The following RPS6KC1 variants were observed in gnomAD, a reference collection of about 807,000 sequenced individuals.
RPS6KC1 encodes the protein ribosomal protein S6 kinase C1.
A neutral mutation model predicts 103.8 loss-of-function variants in RPS6KC1; 54 were observed. The ratio of observed to expected loss-of-function variants is 0.52; its 90% CI spans 0.42 to 0.65. The LOEUF is 0.65. Ranked by LOEUF, RPS6KC1 falls within the 30% of genes least tolerant of loss-of-function variation. The pLI is 0.00. For synonymous variants in RPS6KC1, 439 were observed against 438.7 expected (o/e 1.00, Z -0.01); for missense variants, 1,151 against 1,253.8 (o/e 0.92, Z 1.24).
At chr1:213,386,141 G>T in the RPS6KC1 span, among the ~76,000 whole-genome samples, 3 of 152,138 alleles carry the variant, frequency 2.0e-5, no homozygotes, top group Non-Finnish European at 4.4e-5. Flanking sequence ...TCCCTGGAGA[G>T]CTGGTTGTTA....
At chr1:213,231,418 T>C (rs988954981) in intron 9 of RPS6KC1, among the ~76,000 whole-genome samples, 7 of 152,334 alleles carry the variant, frequency 4.6e-5, no homozygotes, top group South Asian at 2.1e-4. Flanking sequence ...GTATTTGGAA[T>C]GGACTGTGAT....
At chr1:213,789,674 C>T in the RPS6KC1 span, among the ~76,000 whole-genome samples, 2 of 152,120 alleles carry the variant, frequency 1.3e-5, no homozygotes, top group Admixed American at 6.5e-5. Flanking sequence ...GGTACTCTAT[C>T]GAGTCTACTT....
chr1:213,684,179 A>G, the RPS6KC1 span, among the ~76,000 whole-genome samples: 1 of 152,174 alleles, frequency 6.6e-6, no homozygotes, highest in Non-Finnish European at 1.5e-5. Flanking sequence ...TCTGATATTT[A>G]TAAATCTTTT....
the RPS6KC1 span, among the ~76,000 whole-genome samples, chr1:213,559,180 G>A: frequency 9.2e-5 from 14 of 152,294 alleles, no homozygotes; most frequent in African/African-American, 3.1e-4. Flanking sequence ...AGGAAACAGA[G>A]CACACAGGAG....
chr1:213,542,512 C>T, the RPS6KC1 span, among the ~76,000 whole-genome samples: 1 of 152,186 alleles, frequency 6.6e-6, no homozygotes, highest in Admixed American at 6.5e-5. Context: ...TCCTTTCTCT[C>T]TCAGTGTATG....
the RPS6KC1 span, among the ~76,000 whole-genome samples, chr1:213,602,098 T>TTTCTTTCTTTC: frequency 5.9e-5 from 1 of 17,074 alleles, no homozygotes; most frequent in African/African-American, 1.9e-4. Context: ...CTTTCTTTCT[T>TTTCTTTCTTTC]TCTTTCTTTC....
the RPS6KC1 span, among the ~76,000 whole-genome samples, chr1:213,335,139 G>C: frequency 6.6e-6 from 1 of 152,214 alleles, no homozygotes; most frequent in African/African-American, 2.4e-5. Context: ...GGAAGAACCA[G>C]CTCTGACAGT....
the RPS6KC1 span, among the ~76,000 whole-genome samples, chr1:213,699,136 A>G: frequency 6.6e-6 from 1 of 152,108 alleles, no homozygotes; most frequent in East Asian, 1.9e-4. Context: ...GCTATCAAAC[A>G]TCGGGTCTTA....
chr1:213,328,504 C>CCATATATATATATA, the RPS6KC1 span, among the ~76,000 whole-genome samples: 10 of 101,466 alleles, frequency 9.9e-5, no homozygotes, highest in Non-Finnish European at 1.7e-4. Context: ...AGCCATTATA[C>CCATATATATATATA]TATATATATA....
At chr1:213,812,557 T>C in the RPS6KC1 span, among the ~76,000 whole-genome samples, 4 of 152,242 alleles carry the variant, frequency 2.6e-5, no homozygotes, top group African/African-American at 9.6e-5. Flanking sequence ...GGATTGACAA[T>C]GCCGTTGTTA....
rs1388519106 is a variant in RPS6KC1 at position 213,274,630 on chromosome 1, CTG to C, written c.*1998_*1999del. ...TAGCTTTGGGGTGATGAACCAGAGT[CTG>C]TTTTTATTTTATGGTGTGTACATAT... On this transcript the variant is annotated 3_prime_UTR_variant, in exon 15 of 15. Transcript: ENST00000366960. 6.6e-6 allele frequency: 1 copy of C among 151,850 alleles called. No individual in the cohort carries two copies. Among genetic ancestry groups the C allele is most frequent in the African/African-American group, 2.4e-5 (1 of 41,334 alleles). 9.4% of individuals were successfully genotyped at this position (151,850 alleles called of 1,614,324 possible).
At chr1:213,696,958 G>GC in the RPS6KC1 span, among the ~76,000 whole-genome samples, 1 of 152,174 alleles carries the variant, frequency 6.6e-6, no homozygotes, top group African/African-American at 2.4e-5. Flanking sequence ...GATGCCAGTC[G>GC]CAAGTAGACA....
the RPS6KC1 span, among the ~76,000 whole-genome samples, chr1:213,730,241 C>A: frequency 6.6e-6 from 1 of 152,134 alleles, no homozygotes; most frequent in South Asian, 2.1e-4. Context: ...CCTACATGTG[C>A]ATGTGTCTTT....
At chr1:213,818,776 C>G in the RPS6KC1 span, 2 of 152,234 alleles carry the variant, frequency 1.3e-5, no homozygotes, top group African/African-American at 2.4e-5. Context: ...CCCACTGAAA[C>G]AGCTTGGTCT....
chr1:213,282,371 T>C, the RPS6KC1 span, among the ~76,000 whole-genome samples: 2 of 152,242 alleles, frequency 1.3e-5, no homozygotes, highest in Non-Finnish European at 2.9e-5. Flanking sequence ...CTTGTGCTGT[T>C]AGTGTTTCAG....
At chr1:213,224,553 CAGTTTT>C (rs1417341912) in intron 8 of RPS6KC1, among the ~76,000 whole-genome samples, 4 of 152,216 alleles carry the variant, frequency 2.6e-5, no homozygotes, top group East Asian at 1.9e-4. Context: ...TATTTCATGA[CAGTTTT>C]AGTTATAGTA....
At position 213,197,075 on chromosome 1, in the gene RPS6KC1, G is replaced by A. The variant is rs922654444; in HGVS notation, c.1044+20583G>A. On this transcript the variant is annotated intron_variant, in intron 8 of 14. Transcript: ENST00000366960. ...TGGTCTTGAACTCTTGACCTCAGGC[G>A]ATCCACCCGCCTCAGCCTCCCAAAG... Among the ~76,000 whole-genome samples, 3 of 152,186 alleles carry A rather than the reference G, an allele frequency of 2.0e-5. 1 individual carries two copies. The highest frequency in any genetic ancestry group is 4.2e-4 in the South Asian group (2 of 4,812).
the RPS6KC1 span, among the ~76,000 whole-genome samples, chr1:213,603,401 A>G: frequency 3.9e-5 from 6 of 152,356 alleles, no homozygotes; most frequent in South Asian, 1.2e-3. Flanking sequence ...GGCCATGGGC[A>G]GAAGTTAGGA....
At chr1:213,356,757 C>G in the RPS6KC1 span, among the ~76,000 whole-genome samples, 61,533 of 152,152 alleles carry the variant, frequency 0.4, 15,499 homozygotes, top group East Asian at 0.55. Context: ...GCTAGCCCTG[C>G]AGTTTACATC....
Sources: allele counts gnomAD v4.1 joint callset (sites outside exome capture counted in the v4.1 genomes callset), GRCh38; gene constraint gnomAD v4.1.1; transcripts MANE v1.5; gene names NCBI Gene and HGNC (gene_info 2026-07-23, HGNC 2026-07-21).